ANKLE1: variants seen among roughly 807,000 people sequenced by gnomAD.
ANKLE1 encodes the protein ankyrin repeat and LEM domain containing 1, also known as structure-specific endonuclease ANKLE1.
In ANKLE1, 59 loss-of-function variants were observed where a neutral mutation model predicts 56.2. The ratio of observed to expected loss-of-function variants is 1.05; its 90% confidence interval spans 0.85 to 1.30. The LOEUF (loss-of-function observed/expected upper bound fraction) is 1.30. Among genes scored for constraint, ANKLE1 ranks in the 50% most tolerant of loss-of-function variants. ANKLE1 has a pLI of 0.00. For synonymous variants in ANKLE1, 341 were observed against 352.9 expected, an observed-to-expected ratio of 0.97 and a Z score of 0.38; for missense variants, 771 against 816.1, an observed-to-expected ratio of 0.94 and a Z score of 0.67.
At chr19:17,282,601 G>A in intron 2 of ANKLE1, 55 bp from the exon 3 acceptor site, 1 of 1,486,704 alleles carries the variant, frequency 6.7e-7, no homozygotes, top group South Asian at 1.2e-5. Context: ...GCGGAGATCG[G>A]GGTTCCTGCC....
Position 17,281,955 on chromosome 19 carries a change from G to C in ANKLE1, c.35G>C (p.Arg12Pro), listed in dbSNP as rs903707304. The C allele has an allele frequency of 4.6e-5, 71 of 1,534,322 alleles. No homozygotes were observed. The highest frequency in any genetic ancestry group is 6.0e-5 in the Non-Finnish European group (69 of 1,145,406). The stretch of plus-strand genomic sequence containing the variant: ...GAGGCCCGCCTGGCTCGCAGGTTGC[G>C]GGATGCGCTGCGGGAGGAGGAGCCG... The part of the protein sequence containing the change: ...CSEARLARRL[R>P]DALREEEPWA... Residue 12 changes from arginine (R) to proline (P), a missense_variant, in exon 1 of 9, where the codon CGG (arginine) becomes CCG (proline). Transcript: ENST00000404085.
Position 17,282,705 on chromosome 19 carries a change from C to T in ANKLE1, c.265C>T (p.Arg89Cys), listed in dbSNP as rs747663527. The change falls in exon 3 of 9, where the codon CGC becomes TGC. Residue 89 changes from arginine to cysteine, a missense_variant. Transcript: ENST00000404085. ...GCATGTGGCCGCCGCGTGGGGCTGC[C>T]GCCGCGGCCTGGAGCTGCTGCTGAG... ...PLHVAAAWGCRRGLELLLSQG... is the reference protein window; with the variant it reads ...PLHVAAAWGCCRGLELLLSQG... 1.5e-5 allele frequency: 23 copies of T among 1,536,994 alleles called. No homozygotes were observed. The highest frequency in any genetic ancestry group is 5.5e-5 in the African/African-American group (4 of 73,078).
rs1224282470 is a variant in ANKLE1 at position 17,281,901 on chromosome 19, G to C, written c.-20G>C. On this transcript the variant is annotated 5_prime_UTR_variant, in exon 1 of 9. Transcript: ENST00000404085. ...AGGAAATCGACCGACCAGGCGGTGCGCTTCGGACCCAGCCAGGGCATGTGC... is the reference window on the plus strand; with the variant it reads ...AGGAAATCGACCGACCAGGCGGTGCCCTTCGGACCCAGCCAGGGCATGTGC... The C allele has an allele frequency of 1.3e-6, 2 of 1,535,242 alleles. No individual in the cohort carries two copies. Among genetic ancestry groups the C allele is most frequent in the Admixed American group, 2.0e-5 (1 of 50,960 alleles).
Position 17,285,655 on chromosome 19 carries a change from G to A in ANKLE1, c.1537-26G>A, listed in dbSNP as rs574549736. 17 of 1,613,928 alleles carry A rather than the reference G, an allele frequency of 1.1e-5. No individual in the cohort carries two copies. In the Admixed American group the frequency reaches 2.0e-4, roughly 19 times the overall value. On this transcript the variant is annotated intron_variant, in intron 7 of 8. Transcript: ENST00000404085. ...GCCATGGGCAGGGGAGGGTATTGGG[G>A]GTGCTGACTCCTGATTCTGCCCTAG... is the stretch of plus-strand genomic sequence containing the variant.
intron 8 of ANKLE1, among the ~76,000 whole-genome samples, chr19:17,286,034 T>C (rs1403400181): frequency 2.6e-5 from 4 of 152,116 alleles, no homozygotes; most frequent in Non-Finnish European, 5.9e-5. Flanking sequence ...TTTGTGTGTG[T>C]GTGAGACTCT....
Position 17,283,558 on chromosome 19 carries a change from A to G in ANKLE1, c.794A>G (p.Gln265Arg). The G allele has an allele frequency of 6.2e-7, 1 of 1,612,762 alleles. No individual in the cohort carries two copies. Reference sequence around the variant, plus strand: ...GCCAACCAGAGGGTACCTAGGTCTCAGGGCACGGAGGCAGAACTGAATGCC... The same window carrying G: ...GCCAACCAGAGGGTACCTAGGTCTCGGGGCACGGAGGCAGAACTGAATGCC... ...VHANQRVPRS[Q>R]GTEAELNARL... The change falls in exon 5 of 9, where the codon CAG becomes CGG. Residue 265 changes from glutamine (Q) to arginine (R), a missense_variant. Transcript: ENST00000404085.
At chr19:17,284,522 T>C (rs1473621379) in intron 6 of ANKLE1, among the ~76,000 whole-genome samples, 2 of 151,982 alleles carry the variant, frequency 1.3e-5, no homozygotes, top group Non-Finnish European at 2.9e-5. Context: ...TAGCTGGGAT[T>C]ACAAGCACCT....
At position 17,286,672 on chromosome 19, in the gene ANKLE1, G is replaced by GTGTGTGTT. The variant is rs2074037190; in HGVS notation, c.*127_*128insTTGTGTGT. On this transcript the variant is annotated 3_prime_UTR_variant, in exon 9 of 9. Transcript: ENST00000404085. ...GGTGTGTGTGTGTGTGTGTGTGTGT[G>GTGTGTGTT]TGTGTGTGTGTGTGTGTGTTTGTGT... is the stretch of plus-strand genomic sequence containing the variant. The GTGTGTGTT allele has an allele frequency of 1.9e-5, 23 of 1,229,358 alleles. No individual in the cohort carries two copies. Among genetic ancestry groups the GTGTGTGTT allele is most frequent in the Non-Finnish European group, 2.5e-5 (23 of 920,082 alleles). The allele number at this position is 1,229,358 out of a possible 1,614,324, so 76.2% of individuals were successfully genotyped here. A position where few individuals can be genotyped will look rare whatever the true frequency, so the allele number is the denominator to read the frequency against.
Position 17,283,829 on chromosome 19 carries a change from C to A in ANKLE1, c.1065C>A (p.His355Gln). 6.2e-7 allele frequency: 1 copy of A among 1,613,710 alleles called. No individual in the cohort carries two copies. The highest frequency in any genetic ancestry group is 8.5e-7 in the Non-Finnish European group (1 of 1,179,900). ...GGGAACCTGTCGGCCCTTGCCGGCA[C>A]CTGCCAGTCTCCACTGTGTCTGACT... is the stretch of plus-strand genomic sequence containing the variant. Reference protein sequence around the residue: ...GGREPVGPCRHLPVSTVSDLE... With the variant: ...GGREPVGPCRQLPVSTVSDLE... Residue 355 changes from histidine (H) to glutamine (Q), a missense_variant, in exon 5 of 9, where the codon CAC (histidine) becomes CAA (glutamine). Transcript: ENST00000404085.
At chr19:17,283,168 T>G in intron 4 of ANKLE1, 57 bp from the exon 5 acceptor site, 2 of 1,567,678 alleles carry the variant, frequency 1.3e-6, no homozygotes, top group Non-Finnish European at 1.7e-6. Context: ...TTGATCCTAT[T>G]CTCATCGCTG....
Position 17,286,871 on chromosome 19 carries a change from G to T in ANKLE1, c.*319G>T. Reference sequence around the variant, plus strand: ...ACAGTCCGGTGCTTCTGTAAGAGGCGTTTGAACCTGGGCAACTCCACCTGG... The same window carrying T: ...ACAGTCCGGTGCTTCTGTAAGAGGCTTTTGAACCTGGGCAACTCCACCTGG... On this transcript the variant is annotated 3_prime_UTR_variant, in exon 9 of 9. Coordinates refer to ENST00000404085, the MANE Select transcript of ANKLE1 (RefSeq NM_152363.6). 1 of 1,098,202 alleles carries T rather than the reference G, an allele frequency of 9.1e-7. No individual in the cohort carries two copies. The highest frequency in any genetic ancestry group is 1.1e-6 in the Non-Finnish European group (1 of 882,948). The allele number at this position is 1,098,202 out of a possible 1,614,324, so 68.0% of individuals were successfully genotyped here.
At position 17,283,207 on chromosome 19, in the gene ANKLE1, C is replaced by T. The variant is rs747246436; in HGVS notation, c.461-18C>T. The T allele has an allele frequency of 2.5e-6, 4 of 1,594,234 alleles. No homozygotes were observed. In the South Asian group the frequency reaches 4.5e-5, roughly 18 times the overall value. ...CATCCCTCCTCCTCTCCTCTCTGGC[C>T]CCCACTCTCACCTGCAGCCCCAGGC... is the stretch of plus-strand genomic sequence containing the variant. On this transcript the variant is annotated intron_variant, in intron 4 of 8. Transcript: ENST00000404085.
Position 17,285,451 on chromosome 19 carries a change from C to G in ANKLE1, c.1397C>G (p.Ala466Gly). 1 of 1,613,810 alleles carries G rather than the reference C, an allele frequency of 6.2e-7. No homozygotes were observed. Residue 466 changes from alanine to glycine, a missense_variant, in exon 7 of 9, where the codon GCC becomes GGC. By Grantham distance (60) the Ala-to-Gly change is moderately conservative. Coordinates refer to ENST00000404085, the MANE Select transcript of ANKLE1 (RefSeq NM_152363.6). ...LDPRETQDLP[A>G]RAFSLTPAER... Reference sequence around the variant, plus strand: ...TCCAGGGAGACTCAGGACCTGCCAGCCCGAGCCTTCTCACTGACCCCAGCT... The same window carrying G: ...TCCAGGGAGACTCAGGACCTGCCAGGCCGAGCCTTCTCACTGACCCCAGCT...
In ANKLE1 at chr19:17,282,085, G is replaced by A. The variant is rs8100241; in HGVS notation, c.91G>A (p.Ala31Thr). 0.5 allele frequency: 769,322 copies of A among 1,539,996 alleles called. 193,706 individuals carry two copies. The highest frequency in any genetic ancestry group is 0.52 in the Non-Finnish European group (591,339 of 1,146,554). ...AGTAGAGGAGCTGCTGCGCTGCGGC[G>A]CGGACCCTAATTTGGTGCTAGAGGA... Reference protein sequence around the residue: ...WAVEELLRCGADPNLVLEDGA... With the variant: ...WAVEELLRCGTDPNLVLEDGA... Residue 31 changes from alanine (A) to threonine (T), a missense_variant, in exon 2 of 9, where the codon GCG (alanine) becomes ACG (threonine). By Grantham distance (58) the Ala-to-Thr change is moderately conservative. Transcript: ENST00000404085.
At chr19:17,283,075 C>A in intron 4 of ANKLE1, 73 bp downstream of exon 4, 2 of 1,536,386 alleles carry the variant, frequency 1.3e-6, no homozygotes, top group Non-Finnish European at 1.7e-6. Flanking sequence ...CTTCCCCACC[C>A]CACCCATTGG....
Position 17,283,899 on chromosome 19 carries a change from C to A in ANKLE1, c.1135C>A (p.Pro379Thr), listed in dbSNP as rs765178780. 6.2e-7 allele frequency: 1 copy of A among 1,613,104 alleles called. No individual in the cohort carries two copies. Among genetic ancestry groups the A allele is most frequent in the Admixed American group, 1.7e-5 (1 of 59,994 alleles). ...CCGAGCACTTGGTGAGAATCCTCAC[C>A]CCATCACACCCTTCACCAGGCAGTT... ...GLRALGENPH[P>T]ITPFTRQLYH... The change falls in exon 5 of 9, where the codon CCC (proline) becomes ACC (threonine). Residue 379 changes from proline to threonine, a missense_variant. Transcript: ENST00000404085.
Position 17,283,972 on chromosome 19 carries a change from C to T in ANKLE1, c.1198+10C>T, listed in dbSNP as rs1378131206. 1 of 1,597,550 alleles carries T rather than the reference C, an allele frequency of 6.3e-7. No individual in the cohort carries two copies. The highest frequency in any genetic ancestry group is 1.3e-5 in the African/African-American group (1 of 74,604). ...GCCCAGATTGCTCCTGGTTAGTCTT[C>T]CCAGGGCACATGGAGTCCAGGGAGC... On this transcript the variant is annotated intron_variant, in intron 5 of 8. Coordinates refer to ENST00000404085, the MANE Select transcript of ANKLE1 (RefSeq NM_152363.6).
At position 17,285,446 on chromosome 19, in the gene ANKLE1, G is replaced by C; in HGVS notation, c.1392G>C (p.Leu464=). 2 of 1,613,762 alleles carry C rather than the reference G, an allele frequency of 1.2e-6. No homozygotes were observed. The highest frequency in any genetic ancestry group is 8.5e-7 in the Non-Finnish European group (1 of 1,179,876). The stretch of plus-strand genomic sequence containing the variant: ...CTTCATCCAGGGAGACTCAGGACCT[G>C]CCAGCCCGAGCCTTCTCACTGACCC... ...LLLDPRETQD[L]PARAFSLTPA... is the part of the protein sequence containing the mutation. The change falls in exon 7 of 9, where the codon CTG becomes CTC. Residue 464 remains leucine, a synonymous_variant. Coordinates refer to ENST00000404085, the MANE Select transcript of ANKLE1 (RefSeq NM_152363.6).
chr19:17,282,285 T>C, intron 2 of ANKLE1, 76 bp downstream of exon 2: 1 of 1,277,598 alleles, frequency 7.8e-7, no homozygotes, highest in Non-Finnish European at 9.7e-7. Flanking sequence ...CGCCCCATCA[T>C]CCCGGGCCAG....
Sources: allele counts gnomAD v4.1 joint callset (sites outside exome capture counted in the v4.1 genomes callset), GRCh38; gene constraint gnomAD v4.1.1; transcripts MANE v1.5; gene names NCBI Gene and HGNC (gene_info 2026-07-23, HGNC 2026-07-21).